PRDM16: variants seen among roughly 807,000 people sequenced by gnomAD.
PRDM16 encodes PR/SET domain 16.
In PRDM16, 23 loss-of-function variants were observed where a neutral mutation model predicts 110.6. That is an observed-to-expected ratio of 0.21 (90% CI 0.15 to 0.29). The LOEUF (loss-of-function observed/expected upper bound fraction) is 0.29. Ranked by LOEUF, PRDM16 falls within the 10% of genes least tolerant of loss-of-function variation. The pLI is 1.00. For missense variants in PRDM16, 1,615 were observed against 1,794.3 expected (o/e 0.90, Z 1.81); for synonymous variants, 799 against 781.8 (o/e 1.02, Z -0.37).
intron 3 of PRDM16, among the ~76,000 whole-genome samples, chr1:3,329,221 C>T (rs1333189035): frequency 2.6e-5 from 4 of 152,178 alleles, no homozygotes; most frequent in South Asian, 2.1e-4. Context: ...AGCTGCCCAG[C>T]GGGCATGGTG....
rs373788068 is a variant in PRDM16 at position 3,223,734 on chromosome 1, G to A, written c.388-20353G>A. Among the ~76,000 whole-genome samples the A allele has an allele frequency of 5.9e-5, 9 of 152,132 alleles. No individual in the cohort carries two copies. In the East Asian group the frequency reaches 9.7e-4, roughly 16 times the overall value. On this transcript the variant is annotated intron_variant, in intron 2 of 16. Transcript: ENST00000270722. ...TCACAGACCAGGTGCAAGAGGTCAC[G>A]CGATACCAGGGCTGGGGATCAGCCC...
intron 3 of PRDM16, among the ~76,000 whole-genome samples, chr1:3,355,546 G>C: frequency 6.6e-6 from 1 of 152,124 alleles, no homozygotes; most frequent in Non-Finnish European, 1.5e-5. Context: ...GTTTTGCAGG[G>C]ACCCTGACGC....
intron 1 of PRDM16, among the ~76,000 whole-genome samples, chr1:3,089,528 C>G (rs1642225163): frequency 6.6e-6 from 1 of 152,330 alleles, no homozygotes; most frequent in East Asian, 1.9e-4. Flanking sequence ...GAAAATAAAC[C>G]CCCGCCAAGC....
chr1:3,385,923 A>C (rs1003741178), intron 4 of PRDM16, among the ~76,000 whole-genome samples: 9 of 152,206 alleles, frequency 5.9e-5, no homozygotes, highest in African/African-American at 1.9e-4. Context: ...CGGCTGGTCC[A>C]CACCACCACC....
At chr1:3,315,870 A>T (rs2100432847) in intron 3 of PRDM16, among the ~76,000 whole-genome samples, 1 of 152,236 alleles carries the variant, frequency 6.6e-6, no homozygotes, top group East Asian at 1.9e-4. Flanking sequence ...GGGGCCCGGG[A>T]TGAATGAGGT....
intron 3 of PRDM16, among the ~76,000 whole-genome samples, chr1:3,298,288 A>G (rs1292958523): frequency 6.6e-6 from 1 of 151,964 alleles, no homozygotes; most frequent in African/African-American, 2.4e-5. Flanking sequence ...TCCCTGACCT[A>G]CTCCCATGGT....
At chr1:3,335,412 G>A (rs918521857) in intron 3 of PRDM16, among the ~76,000 whole-genome samples, 3 of 152,174 alleles carry the variant, frequency 2.0e-5, no homozygotes, top group African/African-American at 7.2e-5. Context: ...TCCCCTCAGG[G>A]CGTCCGTAGA....
chr1:3,225,148 T>C (rs915395125), intron 2 of PRDM16, among the ~76,000 whole-genome samples: 1 of 137,508 alleles, frequency 7.3e-6, no homozygotes, highest in Non-Finnish European at 1.5e-5. Context: ...ATATGGCTTT[T>C]AGCTTGGAAG....
intron 1 of PRDM16, among the ~76,000 whole-genome samples, chr1:3,164,750 C>G (rs926115846): frequency 6.6e-6 from 1 of 152,108 alleles, no homozygotes; most frequent in Non-Finnish European, 1.5e-5. Context: ...TCAGGTGTCC[C>G]GGCAGCAGTG....
chr1:3,264,356 G>A (rs1442935478), intron 3 of PRDM16, among the ~76,000 whole-genome samples: 1 of 151,530 alleles, frequency 6.6e-6, no homozygotes, highest in Non-Finnish European at 1.5e-5. Flanking sequence ...GGGGTGTGGA[G>A]GGGCATCCGA....
chr1:3,096,548 A>G (rs985066505), intron 1 of PRDM16, among the ~76,000 whole-genome samples: 10 of 152,116 alleles, frequency 6.6e-5, no homozygotes, highest in Non-Finnish European at 1.5e-5. Flanking sequence ...TCCCCTCTGC[A>G]CCTGCCTCTT....
chr1:3,349,670 A>G (rs888002968), intron 3 of PRDM16, among the ~76,000 whole-genome samples: 4 of 152,128 alleles, frequency 2.6e-5, no homozygotes, highest in Non-Finnish European at 5.9e-5. Context: ...CCAGCCTTGG[A>G]TGGTAGCTTC....
intron 1 of PRDM16, among the ~76,000 whole-genome samples, chr1:3,140,779 A>T (rs1004324751): frequency 6.6e-6 from 1 of 152,204 alleles, no homozygotes; most frequent in Non-Finnish European, 1.5e-5. Context: ...CCCACAGCCC[A>T]TGAGGGGTCC....
At chr1:3,357,261 T>C (rs1642625473) in intron 3 of PRDM16, among the ~76,000 whole-genome samples, 1 of 152,102 alleles carries the variant, frequency 6.6e-6, no homozygotes, top group Admixed American at 6.5e-5. Flanking sequence ...GACCTAACTG[T>C]TAGGCCCTGC....
chr1:3,426,072 T>C lies in PRDM16; in HGVS notation c.3131T>C (p.Leu1044Pro), dbSNP rs767844702. 1.9e-5 allele frequency: 30 copies of C among 1,613,364 alleles called. 1 individual carries two copies. In the South Asian group the frequency reaches 2.2e-4, roughly 12 times the overall value. The change falls in exon 14 of 17, where the codon CTC becomes CCC. Residue 1044 changes from leucine to proline, a missense_variant. Physicochemically the swap from Leu to Pro is moderately conservative, Grantham distance 98 (BLOSUM62 -3). Transcript: ENST00000270722. ...NAPVSQHPGV[L>P]TNHLGTSASS... ...GCAGTGAGCCAGCACCCCGGGGTCC[T>C]CACGAACCACCTGGGGACCAGCGCG...
At chr1:3,196,188 C>T (rs912394722) in intron 2 of PRDM16, among the ~76,000 whole-genome samples, 12 of 152,196 alleles carry the variant, frequency 7.9e-5, no homozygotes, top group South Asian at 2.1e-4. Flanking sequence ...GGCCCAGACC[C>T]GGTTCCTGCC....
Position 3,398,557 on chromosome 1 carries a change from C to T in PRDM16, c.676+1964C>T, listed in dbSNP as rs151011055. The stretch of plus-strand genomic sequence containing the variant: ...ACTGCAGGGACTTGGAGGAGGCTCT[C>T]GAGCTCCTTTGAGCCTCGAGTCTGG... On this transcript the variant is annotated intron_variant, in intron 5 of 16. Transcript: ENST00000270722. 1.5e-3 allele frequency among the ~76,000 whole-genome samples: 231 copies of T among 152,364 alleles called. 1 individual carries two copies. The highest frequency in any genetic ancestry group is 2.5e-3 in the Non-Finnish European group (173 of 68,042).
At chr1:3,384,880 G>T (rs531296667) in intron 3 of PRDM16, among the ~76,000 whole-genome samples, 1 of 152,174 alleles carries the variant, frequency 6.6e-6, no homozygotes, top group Non-Finnish European at 1.5e-5. Flanking sequence ...TCATTTTATC[G>T]CCGGGCCAGG....
intron 1 of PRDM16, among the ~76,000 whole-genome samples, chr1:3,077,222 C>T (rs7518164): frequency 0.17 from 26,280 of 152,260 alleles, 2,985 homozygotes; most frequent in East Asian, 0.47. Context: ...CGAGGTCTCC[C>T]GTGGGCCCGG....
Sources: allele counts gnomAD v4.1 joint callset (sites outside exome capture counted in the v4.1 genomes callset), GRCh38; gene constraint gnomAD v4.1.1; transcripts MANE v1.5; gene names NCBI Gene and HGNC (gene_info 2026-07-23, HGNC 2026-07-21).